The following SEMA3E variants were observed in gnomAD, a reference collection of about 807,000 sequenced individuals.
SEMA3E encodes semaphorin 3E.
A neutral mutation model predicts 93.6 loss-of-function variants in SEMA3E; 49 were observed. That is an observed-to-expected ratio of 0.52 (90% CI 0.42 to 0.66). The LOEUF (loss-of-function observed/expected upper bound fraction) is 0.66, where lower values mean the gene tolerates loss of function less well. Among genes scored for constraint, SEMA3E ranks in the 30% least tolerant of loss-of-function variants. The probability of loss-of-function intolerance (pLI) is 0.00; values close to 1 mark genes in which losing one functional copy is unlikely to be tolerated. For missense variants in SEMA3E, 906 were observed against 964.8 expected (o/e 0.94, Z 0.81); for synonymous variants, 363 against 330.7 (o/e 1.10, Z -1.06).
At chr7:83,620,295 A>G (rs1793523335) in intron 1 of SEMA3E, among the ~76,000 whole-genome samples, 1 of 152,022 alleles carries the variant, frequency 6.6e-6, no homozygotes, top group South Asian at 2.1e-4. Context: ...CAGAACTGAC[A>G]TATACCTAAT....
intron 1 of SEMA3E, among the ~76,000 whole-genome samples, chr7:83,524,558 C>T (rs2115699500): frequency 6.6e-6 from 1 of 152,146 alleles, no homozygotes; most frequent in East Asian, 1.9e-4. Flanking sequence ...ATTCATTGTA[C>T]ATAGTATAGA....
intron 1 of SEMA3E, among the ~76,000 whole-genome samples, chr7:83,490,960 A>G (rs1456843430): frequency 1.3e-5 from 2 of 152,098 alleles, no homozygotes; most frequent in African/African-American, 4.8e-5. Context: ...TGCATATGGC[A>G]GTTTAGTACT....
chr7:83,416,836 C>A (rs978295956), intron 5 of SEMA3E, among the ~76,000 whole-genome samples: 1 of 151,812 alleles, frequency 6.6e-6, no homozygotes, highest in Non-Finnish European at 1.5e-5. Context: ...AATGTATATT[C>A]TGTCAGTTGC....
chr7:83,628,185 C>T (rs1793712490), intron 1 of SEMA3E, among the ~76,000 whole-genome samples: 1 of 152,162 alleles, frequency 6.6e-6, no homozygotes, highest in Non-Finnish European at 1.5e-5. Flanking sequence ...CAGAGATCTG[C>T]TGTTAGTCTG....
chr7:83,503,198 C>G (rs1450241720), intron 1 of SEMA3E, among the ~76,000 whole-genome samples: 1 of 152,006 alleles, frequency 6.6e-6, no homozygotes, highest in Non-Finnish European at 1.5e-5. Flanking sequence ...TCAGTGTAAA[C>G]AGCTACTGCG....
chr7:83,508,263 CTT>C (rs1030827840), intron 1 of SEMA3E, among the ~76,000 whole-genome samples: 34 of 138,596 alleles, frequency 2.5e-4, no homozygotes, highest in Non-Finnish European at 2.5e-4. Context: ...TTTTCTTTTT[CTT>C]TTTTTTTTTT....
intron 2 of SEMA3E, among the ~76,000 whole-genome samples, chr7:83,486,798 G>C (rs940348650): frequency 2.6e-5 from 4 of 152,084 alleles, no homozygotes; most frequent in African/African-American, 9.7e-5. Context: ...TGGCACCTGA[G>C]AGGAGTCTTT....
intron 4 of SEMA3E, among the ~76,000 whole-genome samples, chr7:83,447,500 T>C (rs1324038065): frequency 6.6e-6 from 1 of 152,190 alleles, no homozygotes; most frequent in Non-Finnish European, 1.5e-5. Flanking sequence ...ATCATGCCAC[T>C]GCACTCCAGC....
intron 2 of SEMA3E, among the ~76,000 whole-genome samples, chr7:83,470,339 T>C (rs996539451): frequency 2.0e-5 from 2 of 99,378 alleles, no homozygotes; most frequent in Non-Finnish European, 4.9e-5. Flanking sequence ...AAGAAATTTT[T>C]TACTTTATCA....
rs1435077536 is a variant in SEMA3E at position 83,363,314 on chromosome 7, G to A, written c.*4272C>T. 2.6e-5 allele frequency: 4 copies of A among 152,104 alleles called. No individual in the cohort carries two copies. The highest frequency in any genetic ancestry group is 7.2e-5 in the African/African-American group (3 of 41,406). The allele number at this position is 152,104 out of a possible 1,614,324, so 9.4% of individuals were successfully genotyped here. ...GAGATTGTACATAATGGTACATAGC[G>A]CGTAGTGGCAGATCCACGTTGTAGT... On this transcript the variant is annotated 3_prime_UTR_variant, in exon 17 of 17. Coordinates refer to ENST00000643230, the MANE Select transcript of SEMA3E (RefSeq NM_012431.3).
rs1345750389 is a variant in SEMA3E, at chr7:83,363,774, A to G, written c.*3812T>C. ...ATGGACTTCTTATTATAAATGTTGCATTTTCTCTTGGAATCCAAATATCTA... is the reference window on the plus strand; with the variant it reads ...ATGGACTTCTTATTATAAATGTTGCGTTTTCTCTTGGAATCCAAATATCTA... On this transcript the variant is annotated 3_prime_UTR_variant, in exon 17 of 17. Transcript: ENST00000643230. 5 of 147,302 alleles carry G rather than the reference A, an allele frequency of 3.4e-5. No individual in the cohort carries two copies. In the East Asian group the frequency reaches 9.8e-4, roughly 29 times the overall value. 9.1% of individuals were successfully genotyped at this position (147,302 alleles called of 1,614,324 possible). A position where few individuals can be genotyped will look rare whatever the true frequency, so the allele number is the denominator to read the frequency against.
chr7:83,434,128 ATAAATTT>A (rs1291475304), intron 4 of SEMA3E, among the ~76,000 whole-genome samples: 1 of 152,154 alleles, frequency 6.6e-6, no homozygotes, highest in African/African-American at 2.4e-5. Flanking sequence ...CTACATATAT[ATAAATTT>A]TAAATTCTAA....
chr7:83,387,168 T>C (rs1020079025), intron 14 of SEMA3E, 118 bp from the exon 15 acceptor site: 10 of 832,310 alleles, frequency 1.2e-5, no homozygotes, highest in East Asian at 2.7e-5. Context: ...TGATCATTCA[T>C]ATGAAAAAAG....
At chr7:83,390,142 C>A (rs1423801994) in intron 14 of SEMA3E, among the ~76,000 whole-genome samples, 1 of 36,212 alleles carries the variant, frequency 2.8e-5, no homozygotes, top group African/African-American at 9.8e-5. Flanking sequence ...CACATATATG[C>A]GCGTATACGT....
At chr7:83,415,165 G>T (rs2371671) in intron 5 of SEMA3E, among the ~76,000 whole-genome samples, 29,188 of 151,822 alleles carry the variant, frequency 0.19, 3,194 homozygotes, top group Middle Eastern at 0.31. Flanking sequence ...GAAAGGCATG[G>T]ATACGCAATG....
intron 1 of SEMA3E, among the ~76,000 whole-genome samples, chr7:83,581,284 T>G (rs1198591713): frequency 6.6e-6 from 1 of 151,982 alleles, no homozygotes; most frequent in Non-Finnish European, 1.5e-5. Context: ...TACAAACCAT[T>G]TTTTAAATGG....
chr7:83,604,173 GA>G (rs1271650324), intron 1 of SEMA3E, among the ~76,000 whole-genome samples: 1 of 152,052 alleles, frequency 6.6e-6, no homozygotes, highest in African/African-American at 2.4e-5. Flanking sequence ...CAAATAGGTT[GA>G]AGGAGGACAG....
intron 11 of SEMA3E, 55 bp from the exon 12 acceptor site, chr7:83,396,784 C>CA (rs150931802): frequency 1.9e-4 from 216 of 1,166,316 alleles, no homozygotes; most frequent in South Asian, 3.4e-4. Context: ...GTACGGTTTT[C>CA]AAAAAAACCA....
intron 1 of SEMA3E, among the ~76,000 whole-genome samples, chr7:83,498,213 T>G (rs73707862): frequency 0.039 from 5,943 of 152,196 alleles, 142 homozygotes; most frequent in African/African-American, 0.066. Flanking sequence ...CAGTAGGCTA[T>G]TAGTAATGTT....
Sources: allele counts gnomAD v4.1 joint callset (sites outside exome capture counted in the v4.1 genomes callset), GRCh38; gene constraint gnomAD v4.1.1; transcripts MANE v1.5; gene names NCBI Gene and HGNC (gene_info 2026-07-23, HGNC 2026-07-21).